The following PRDM6 variants were observed in gnomAD, a reference collection of about 807,000 sequenced individuals.
The protein encoded by PRDM6 is PR/SET domain 6.
In PRDM6, 25 loss-of-function variants were observed where a neutral mutation model predicts 60.8. The ratio of observed to expected loss-of-function variants is 0.41; its 90% CI spans 0.30 to 0.57. PRDM6 has a LOEUF of 0.57. PRDM6 is among the 20% of genes least tolerant of loss of function. The probability of loss-of-function intolerance (pLI) is 0.27; values close to 1 mark genes in which losing one functional copy is unlikely to be tolerated. For synonymous variants in PRDM6, 407 were observed against 357.4 expected, an observed-to-expected ratio of 1.14 and a Z score of -1.57; for missense variants, 839 against 821.3, an observed-to-expected ratio of 1.02 and a Z score of -0.26.
At chr5:123,179,610 G>A (rs182388114) in intron 6 of PRDM6, among the ~76,000 whole-genome samples, 42 of 152,318 alleles carry the variant, frequency 2.8e-4, no homozygotes, top group Non-Finnish European at 4.4e-4. Flanking sequence ...AAACATCCTA[G>A]AACGGCCTTA....
rs529342000 is a variant in PRDM6, at chr5:123,162,164, A to T, written c.1153+2526A>T. On this transcript the variant is annotated intron_variant, in intron 5 of 7. Coordinates refer to ENST00000407847, the MANE Select transcript of PRDM6 (RefSeq NM_001136239.4). ...GGAAACTGTGGAGTGACCACTTAGG[A>T]AATGCATTTCTTACCCTCGATCTGG... Among the ~76,000 whole-genome samples the T allele has an allele frequency of 8.5e-5, 13 of 152,286 alleles. No homozygotes were observed. In the South Asian group the frequency reaches 2.5e-3, roughly 29 times the overall value.
chr5:123,123,180 A>G (rs1385697147), intron 3 of PRDM6, among the ~76,000 whole-genome samples: 4 of 152,212 alleles, frequency 2.6e-5, no homozygotes, highest in Non-Finnish European at 4.4e-5. Context: ...TTCCTTGTCT[A>G]TATTCGCTAC....
At chr5:123,149,747 TG>T (rs1765331522) in intron 3 of PRDM6, among the ~76,000 whole-genome samples, 1 of 152,232 alleles carries the variant, frequency 6.6e-6, no homozygotes, top group Non-Finnish European at 1.5e-5. Context: ...TAGATTCATC[TG>T]GGAGATAAAA....
Position 123,090,621 on chromosome 5 carries a change from C to A in PRDM6, c.592+15C>A. 1 of 1,512,654 alleles carries A rather than the reference C, an allele frequency of 6.6e-7. No homozygotes were observed. Among genetic ancestry groups the A allele is most frequent in the Non-Finnish European group, 8.8e-7 (1 of 1,137,976 alleles). The allele number at this position is 1,512,654 out of a possible 1,614,324, so 93.7% of individuals were successfully genotyped here. On this transcript the variant is annotated intron_variant, in intron 2 of 7. Transcript: ENST00000407847. ...CCCCAACAACCGTACGTAGCCGCAG[C>A]CCGCGCGCTCTCTCCCGGGGCGCCG...
chr5:123,148,762 T>G (rs1351721926), intron 3 of PRDM6, among the ~76,000 whole-genome samples: 1 of 152,242 alleles, frequency 6.6e-6, no homozygotes, highest in Non-Finnish European at 1.5e-5. Flanking sequence ...ATAAAGAACT[T>G]TATTAATCAT....
intron 3 of PRDM6, among the ~76,000 whole-genome samples, chr5:123,128,746 G>A (rs1016019725): frequency 1.3e-5 from 2 of 152,104 alleles, no homozygotes; most frequent in Admixed American, 6.5e-5. Flanking sequence ...AGTTTCTTTT[G>A]CTGTGCAGAA....
In PRDM6 at chr5:123,170,747, A is replaced by G. The variant is rs751349655; in HGVS notation, c.1154-19A>G. ...AAGGCTAATAAAACTGTTCTTCTAA[A>G]CTGTTGCTATTCTCCTAGTAAATGT... On this transcript the variant is annotated intron_variant, in intron 5 of 7. Transcript: ENST00000407847. 14 of 1,502,764 alleles carry G rather than the reference A, an allele frequency of 9.3e-6. No homozygotes were observed. The African/African-American group carries it at 1.4e-4, about 15-fold the overall frequency. The allele number at this position is 1,502,764 out of a possible 1,614,324, so 93.1% of individuals were successfully genotyped here.
intron 3 of PRDM6, among the ~76,000 whole-genome samples, chr5:123,127,301 G>GTTT (rs1764715249): frequency 6.6e-6 from 1 of 152,100 alleles, no homozygotes; most frequent in Non-Finnish European, 1.5e-5. Flanking sequence ...GCCTCCCAAA[G>GTTT]TGCTGGGATT....
intron 3 of PRDM6, among the ~76,000 whole-genome samples, chr5:123,133,507 A>G (rs1300648745): frequency 6.6e-6 from 1 of 152,136 alleles, no homozygotes; most frequent in Non-Finnish European, 1.5e-5. Flanking sequence ...CAGAATTAGC[A>G]TTGCAAATAC....
chr5:123,126,242 A>G (rs1414819064), intron 3 of PRDM6, among the ~76,000 whole-genome samples: 2 of 152,194 alleles, frequency 1.3e-5, no homozygotes, highest in East Asian at 1.9e-4. Context: ...GGTAGTATCA[A>G]TGAGGGCAGA....
In PRDM6 at chr5:123,180,164, A is replaced by G; in HGVS notation, c.1514A>G (p.His505Arg). 1 of 1,550,598 alleles carries G rather than the reference A, an allele frequency of 6.4e-7. No homozygotes were observed. Among genetic ancestry groups the G allele is most frequent in the Non-Finnish European group, 8.7e-7 (1 of 1,146,024 alleles). The change falls in exon 7 of 8, where the codon CAC becomes CGC. Residue 505 changes from histidine (H) to arginine (R), a missense_variant. Physicochemically the swap from His to Arg is conservative, Grantham distance 29. Around this residue, in one of 2 missense-constraint regions of PRDM6, gnomAD observed 109 missense variants for 172.6 expected, o/e 0.63. Coordinates refer to ENST00000407847, the MANE Select transcript of PRDM6 (RefSeq NM_001136239.4). ...QNPDRPYQCG[H>R]CSQSFSQPSE... ...TGTTTCAGACCCTACCAATGCGGCCACTGCTCCCAGTCCTTTTCCCAGCCT... is the reference window on the plus strand; with the variant it reads ...TGTTTCAGACCCTACCAATGCGGCCGCTGCTCCCAGTCCTTTTCCCAGCCT...
rs1766475782 is a variant in PRDM6, at chr5:123,193,798, T to A, written c.*6597T>A. Reference sequence around the variant, plus strand: ...TATTAGGACATTGTATACATTTCTTTAATGTGGTTATTTTAAGTTTAGGAC... The same window carrying A: ...TATTAGGACATTGTATACATTTCTTAAATGTGGTTATTTTAAGTTTAGGAC... On this transcript the variant is annotated 3_prime_UTR_variant, in exon 8 of 8. Coordinates refer to ENST00000407847, the MANE Select transcript of PRDM6 (RefSeq NM_001136239.4). 2 of 152,228 alleles carry A rather than the reference T, an allele frequency of 1.3e-5. No homozygotes were observed. Among genetic ancestry groups the A allele is most frequent in the African/African-American group, 4.8e-5 (2 of 41,470 alleles). 9.4% of individuals were successfully genotyped at this position (152,228 alleles called of 1,614,324 possible).
Position 123,090,099 on chromosome 5 carries a change from C to G in PRDM6, c.85C>G (p.His29Asp). The change falls in exon 2 of 8, where the codon CAC becomes GAC. Residue 29 changes from histidine (H) to aspartate (D), a missense_variant. Physicochemically the swap from His to Asp is moderately conservative, Grantham distance 81. Around this residue, in one of 2 missense-constraint regions of PRDM6, gnomAD observed 730 missense variants for 648.8 expected, o/e 1.13. Transcript: ENST00000407847. Reference sequence around the variant, plus strand: ...GCAGCACTGGCAGCAACTCTTCCCTCACGGAGGCGCAGGCCCGCTCAAGGG... The same window carrying G: ...GCAGCACTGGCAGCAACTCTTCCCTGACGGAGGCGCAGGCCCGCTCAAGGG... ...YLQHWQQLFPHGGAGPLKGSG... is the reference protein window; with the variant it reads ...YLQHWQQLFPDGGAGPLKGSG... The G allele has an allele frequency of 6.5e-7, 1 of 1,546,446 alleles. No individual in the cohort carries two copies. The highest frequency in any genetic ancestry group is 8.7e-7 in the Non-Finnish European group (1 of 1,145,232).
intron 6 of PRDM6, among the ~76,000 whole-genome samples, chr5:123,175,475 T>G (rs1441384756): frequency 6.6e-6 from 1 of 152,348 alleles, no homozygotes; most frequent in East Asian, 1.9e-4. Context: ...ATCAGTATTC[T>G]TGTGTCCCAC....
At position 123,090,213 on chromosome 5, in the gene PRDM6, G is replaced by C. The variant is rs781554858; in HGVS notation, c.199G>C (p.Asp67His). The C allele has an allele frequency of 6.8e-6, 10 of 1,479,538 alleles. No individual in the cohort carries two copies. Among genetic ancestry groups the C allele is most frequent in the East Asian group, 6.0e-5 (2 of 33,200 alleles). 91.7% of individuals were successfully genotyped at this position (1,479,538 alleles called of 1,614,324 possible). A position where few individuals can be genotyped will look rare whatever the true frequency, so the allele number is the denominator to read the frequency against. ...CCCGGAGCGCGCTGAGCCTCCGCCG[G>C]ACAGCCTGCGCCCGCGGCCCGCCTC... ...PPPERAEPPP[D>H]SLRPRPASLS... The change falls in exon 2 of 8, where the codon GAC (aspartate) becomes CAC (histidine). Residue 67 changes from aspartate to histidine, a missense_variant. This residue lies in a region of PRDM6 where 730 missense variants were observed against 648.8 expected (regional missense o/e 1.13). Coordinates refer to ENST00000407847, the MANE Select transcript of PRDM6 (RefSeq NM_001136239.4).
At chr5:123,178,894 C>T (rs163186) in intron 6 of PRDM6, among the ~76,000 whole-genome samples, 112,042 of 152,156 alleles carry the variant, frequency 0.74, 41,290 homozygotes, top group Admixed American at 0.77. Flanking sequence ...GGAGCTTGTG[C>T]ATTTGTTAAA....
At position 123,090,445 on chromosome 5, in the gene PRDM6, G is replaced by C. The variant is rs768559093; in HGVS notation, c.431G>C (p.Gly144Ala). The C allele has an allele frequency of 8.9e-6, 13 of 1,461,134 alleles. 2 individuals are homozygous for C. The South Asian group carries it at 1.8e-4, about 20-fold the overall frequency. The allele number at this position is 1,461,134 out of a possible 1,614,324, so 90.5% of individuals were successfully genotyped here. A position where few individuals can be genotyped will look rare whatever the true frequency, so the allele number is the denominator to read the frequency against. ...PKELCLGATS[G>A]PGPVKCGGGG... ...GAACTGTGCCTCGGCGCCACCTCCG[G>C]CCCCGGGCCCGTCAAGTGCGGTGGT... is the stretch of plus-strand genomic sequence containing the variant. The change falls in exon 2 of 8, where the codon GGC (glycine) becomes GCC (alanine). Residue 144 changes from glycine to alanine, a missense_variant. By Grantham distance (60) the Gly-to-Ala change is moderately conservative (BLOSUM62 0). Transcript: ENST00000407847.
At chr5:123,174,817 A>G (rs1765968028) in intron 6 of PRDM6, among the ~76,000 whole-genome samples, 1 of 152,228 alleles carries the variant, frequency 6.6e-6, no homozygotes, top group Non-Finnish European at 1.5e-5. Context: ...AGAAATCAGC[A>G]CTAAAGACAA....
intron 3 of PRDM6, among the ~76,000 whole-genome samples, chr5:123,139,296 A>C (rs1222411052): frequency 1.3e-5 from 2 of 152,222 alleles, no homozygotes; most frequent in Admixed American, 1.3e-4. Context: ...TTTGACAAGA[A>C]AAAGAATTTA....
Sources: allele counts gnomAD v4.1 joint callset (sites outside exome capture counted in the v4.1 genomes callset), GRCh38; gene constraint gnomAD v4.1.1; regional missense constraint gnomAD v4.1.1; transcripts MANE v1.5; gene names NCBI Gene and HGNC (gene_info 2026-07-23, HGNC 2026-07-21).